The following SIRT4 variants were observed in gnomAD, a reference collection of about 807,000 sequenced individuals.
The protein encoded by SIRT4 is NAD-dependent protein lipoamidase sirtuin-4, mitochondrial.
Under a neutral mutation model 26.1 loss-of-function variants are expected in SIRT4, and 23 were observed. That is an observed-to-expected ratio of 0.88 (90% CI 0.63 to 1.25). The LOEUF is 1.25. Among genes scored for constraint, SIRT4 ranks in the 50% most tolerant of loss-of-function variants. The pLI, the probability that SIRT4 is intolerant of heterozygous loss-of-function variation, is 0.00. For missense variants in SIRT4, 361 were observed against 405.4 expected (o/e 0.89, Z 0.94); for synonymous variants, 155 against 158.4 (o/e 0.98, Z 0.16).
chr12:120,295,144 C>T, the SIRT4 span, among the ~76,000 whole-genome samples: 1 of 151,108 alleles, frequency 6.6e-6, no homozygotes, highest in African/African-American at 2.4e-5. Flanking sequence ...ATGGTCATTG[C>T]TGGTTTCCAC....
chr12:120,305,740 C>T (rs974014401), intron 2 of SIRT4, among the ~76,000 whole-genome samples: 1 of 152,136 alleles, frequency 6.6e-6, no homozygotes, highest in Non-Finnish European at 1.5e-5. Context: ...AGGCTGGGCG[C>T]GGCGGCTCAC....
At chr12:120,297,236 A>G in the SIRT4 span, among the ~76,000 whole-genome samples, 13 of 107,798 alleles carry the variant, frequency 1.2e-4, no homozygotes, top group African/African-American at 5.9e-4. Context: ...ATAAATAAAT[A>G]CATACATACA....
At chr12:120,306,203 C>T (rs915344698) in intron 2 of SIRT4, among the ~76,000 whole-genome samples, 9 of 151,922 alleles carry the variant, frequency 5.9e-5, no homozygotes, top group African/African-American at 1.7e-4. Context: ...TGGCTGGGCA[C>T]GGTGGCTCGC....
chr12:120,292,735 G>C, the SIRT4 span, among the ~76,000 whole-genome samples: 6 of 124,068 alleles, frequency 4.8e-5, no homozygotes, highest in Non-Finnish European at 1.0e-4. Flanking sequence ...TCGCTAAACA[G>C]GGGTTCGGCA....
chr12:120,304,827 ATATATATATTTTTT>A (rs1355722858), intron 2 of SIRT4, among the ~76,000 whole-genome samples: 27 of 104,226 alleles, frequency 2.6e-4, no homozygotes, highest in Admixed American at 5.1e-4. Flanking sequence ...ATATATATAT[ATATATATATTTTTT>A]TTTTTTTTTT....
At chr12:120,305,236 T>C (rs1401282121) in intron 2 of SIRT4, among the ~76,000 whole-genome samples, 1 of 57,326 alleles carries the variant, frequency 1.7e-5, no homozygotes, top group Non-Finnish European at 3.4e-5. Flanking sequence ...TGTGTTTGTG[T>C]GTGCACGTGT....
chr12:120,301,245 T>C (rs1293027615), upstream of SIRT4, among the ~76,000 whole-genome samples: 1 of 152,174 alleles, frequency 6.6e-6, no homozygotes, highest in Non-Finnish European at 1.5e-5. Context: ...CTCAGGAGGC[T>C]GAGGCAGGAG....
chr12:120,296,213 C>G, the SIRT4 span, among the ~76,000 whole-genome samples: 1 of 146,130 alleles, frequency 6.8e-6, no homozygotes. Flanking sequence ...CATCCATATA[C>G]AAAAATGACA....
chr12:120,295,572 A>C, the SIRT4 span, among the ~76,000 whole-genome samples: 1 of 151,242 alleles, frequency 6.6e-6, no homozygotes, highest in Non-Finnish European at 1.5e-5. Flanking sequence ...CCTGTTTTCT[A>C]TTCTTTGGTG....
chr12:120,294,773 C>A, the SIRT4 span, among the ~76,000 whole-genome samples: 1 of 151,702 alleles, frequency 6.6e-6, no homozygotes, highest in Non-Finnish European at 1.5e-5. Flanking sequence ...CCATCTTGGC[C>A]TCCCAAAGTG....
intron 2 of SIRT4, among the ~76,000 whole-genome samples, chr12:120,308,140 A>T (rs1250275450): frequency 6.8e-6 from 1 of 147,344 alleles, no homozygotes; most frequent in Non-Finnish European, 1.5e-5. Context: ...TACAGGTGTG[A>T]GCCACCATGC....
intron 2 of SIRT4, among the ~76,000 whole-genome samples, chr12:120,308,903 C>G (rs539749744): frequency 5.0e-4 from 76 of 152,226 alleles, no homozygotes; most frequent in Non-Finnish European, 1.0e-3. Context: ...GGCGTGGTGG[C>G]TCATGCCTGT....
upstream of SIRT4, among the ~76,000 whole-genome samples, chr12:120,297,667 T>C (rs572885238): frequency 6.6e-6 from 1 of 152,204 alleles, no homozygotes; most frequent in East Asian, 1.9e-4. Flanking sequence ...GAGCATGAGA[T>C]TTTTGGGGGC....
At chr12:120,304,511 G>A (rs559322205) in intron 2 of SIRT4, among the ~76,000 whole-genome samples, 7 of 151,922 alleles carry the variant, frequency 4.6e-5, no homozygotes, top group East Asian at 1.9e-4. Flanking sequence ...TTAGCCAGTC[G>A]TGGTGGCACA....
At chr12:120,303,436 C>T in intron 1 of SIRT4, 125 bp from the exon 2 acceptor site, 3 of 1,118,774 alleles carry the variant, frequency 2.7e-6, no homozygotes, top group Non-Finnish European at 3.7e-6. Flanking sequence ...GATCATGCCA[C>T]TGTACTCTAG....
At chr12:120,299,547 C>T (rs1291352992), upstream of SIRT4, among the ~76,000 whole-genome samples, 1 of 72,888 alleles carries the variant, frequency 1.4e-5, no homozygotes, top group East Asian at 6.9e-4. Flanking sequence ...GCTAGACTCT[C>T]TCAAAAAAAA....
intron 2 of SIRT4, among the ~76,000 whole-genome samples, chr12:120,305,520 C>T (rs1872715885): frequency 6.6e-6 from 1 of 152,132 alleles, no homozygotes; most frequent in Non-Finnish European, 1.5e-5. Context: ...CTTGGCATCT[C>T]AAAGTGCTGG....
chr12:120,293,073 T>C, the SIRT4 span: 11 of 96,820 alleles, frequency 1.1e-4, no homozygotes, highest in East Asian at 5.9e-4. Context: ...AAAGCCTCTG[T>C]TGTTCAACTG....
chr12:120,292,233 C>T, the SIRT4 span, among the ~76,000 whole-genome samples: 1 of 152,294 alleles, frequency 6.6e-6, no homozygotes, highest in African/African-American at 2.4e-5. Flanking sequence ...GGACGACTAG[C>T]TGTGCTCGAG....
Sources: allele counts gnomAD v4.1 joint callset (sites outside exome capture counted in the v4.1 genomes callset), GRCh38; gene constraint gnomAD v4.1.1; transcripts MANE v1.5; gene names NCBI Gene and HGNC (gene_info 2026-07-23, HGNC 2026-07-21).